Variants in PLEKHG5 observed in about 807,000 individuals in gnomAD.
PLEKHG5 encodes the protein pleckstrin homology domain-containing family G member 5.
Under a neutral mutation model 103.8 loss-of-function variants are expected in PLEKHG5, and 52 were observed. The ratio of observed to expected loss-of-function variants is 0.50; its 90% CI spans 0.40 to 0.63. The LOEUF is 0.63. PLEKHG5 is among the 30% of genes least tolerant of loss of function. The pLI, the probability that PLEKHG5 is intolerant of heterozygous loss-of-function variation, is 0.00. For synonymous variants in PLEKHG5, 592 were observed against 575.5 expected, an observed-to-expected ratio of 1.03 and a Z score of -0.41; for missense variants, 1,205 against 1,347.6, an observed-to-expected ratio of 0.89 and a Z score of 1.66.
At chr1:6,485,579 G>GC in intron 1 of PLEKHG5, 2 of 848,774 alleles carry the variant, frequency 2.4e-6, no homozygotes. Flanking sequence ...ACAGCCCCCA[G>GC]CCCCCCAGGA....
chr1:6,502,551 G>A (rs373682399), intron 1 of PLEKHG5, among the ~76,000 whole-genome samples: 10 of 152,240 alleles, frequency 6.6e-5, no homozygotes, highest in African/African-American at 2.2e-4. Flanking sequence ...GGGGCCAGCC[G>A]GCCACTTCCT....
chr1:6,516,741 A>G (rs1638624845), intron 1 of PLEKHG5, among the ~76,000 whole-genome samples: 1 of 131,532 alleles, frequency 7.6e-6, no homozygotes, highest in Non-Finnish European at 1.6e-5. Flanking sequence ...GTGTGTATAT[A>G]TATGTGTGTG....
At chr1:6,474,386 G>A in intron 6 of PLEKHG5, 65 bp downstream of exon 6, 10 of 1,587,140 alleles carry the variant, frequency 6.3e-6, no homozygotes, top group Admixed American at 1.7e-5. Flanking sequence ...AGCCTGGGAA[G>A]GGCGCCCATC....
chr1:6,474,486 G>A lies in PLEKHG5; in HGVS notation c.404C>T (p.Ala135Val). The change falls in exon 6 of 21, where the codon GCC (alanine) becomes GTC (valine). Residue 135 changes from alanine to valine, a missense_variant. By Grantham distance (64) the Ala-to-Val change is moderately conservative. Coordinates refer to ENST00000377728, the MANE Select transcript of PLEKHG5 (RefSeq NM_020631.6). ...AAGGTAGTGTCCCCCGAACCTGTAG[G>A]CCTCGAAGGTGAGGGACAGGGGTGT... Reference protein sequence around the residue: ...SNTPLSLTFEAYRFGGHYLRV... With the variant: ...SNTPLSLTFEVYRFGGHYLRV... The A allele has an allele frequency of 6.2e-7, 1 of 1,613,990 alleles. No individual in the cohort carries two copies. The highest frequency in any genetic ancestry group is 1.1e-5 in the South Asian group (1 of 91,080).
At chr1:6,473,622 G>A (rs1026246927) in intron 7 of PLEKHG5, among the ~76,000 whole-genome samples, 168 bp from the exon 8 acceptor site, 2 of 152,158 alleles carry the variant, frequency 1.3e-5, no homozygotes, top group African/African-American at 2.4e-5. Flanking sequence ...GAGACTGGAA[G>A]GTCCAGACAC....
Position 6,486,472 on chromosome 1 carries a change from G to A in PLEKHG5, c.-88+5165C>T, listed in dbSNP as rs1159363572. On this transcript the variant is annotated intron_variant, in intron 1 of 20. Transcript: ENST00000377728. The surrounding 1 kb of genome is among the most constrained non-coding windows in gnomAD (Gnocchi z 5.3). ...TGCCCAGGTACGGCAGAGGCCGAGAGCCAAAGGCCGGTGGCCTCTGGAAAG... is the reference window on the plus strand; with the variant it reads ...TGCCCAGGTACGGCAGAGGCCGAGAACCAAAGGCCGGTGGCCTCTGGAAAG... 1.3e-5 allele frequency among the ~76,000 whole-genome samples: 2 copies of A among 152,268 alleles called. No individual in the cohort carries two copies. The highest frequency in any genetic ancestry group is 4.8e-5 in the African/African-American group (2 of 41,478).
upstream of PLEKHG5, among the ~76,000 whole-genome samples, chr1:6,501,670 T>C (rs2148630994): frequency 6.6e-6 from 1 of 152,232 alleles, no homozygotes; most frequent in South Asian, 2.1e-4. This position sits in a 1 kb window ranked among gnomAD's most constrained non-coding sequence, Gnocchi z 4.3. Flanking sequence ...TTGCCCAAGG[T>C]CACACAAGTA....
intron 1 of PLEKHG5, among the ~76,000 whole-genome samples, chr1:6,483,172 A>G (rs1644943811): frequency 6.6e-6 from 1 of 152,180 alleles, no homozygotes. Flanking sequence ...TCTGACAGGA[A>G]AGGGAACAGG....
chr1:6,491,183 G>C lies in PLEKHG5; in HGVS notation c.-88+454C>G, dbSNP rs1218289598. On this transcript the variant is annotated intron_variant, in intron 1 of 20. Coordinates refer to ENST00000377728, the MANE Select transcript of PLEKHG5 (RefSeq NM_020631.6). The surrounding 1 kb of genome is among the most constrained non-coding windows in gnomAD (Gnocchi z 4.1). Reference sequence around the variant, plus strand: ...CCCAGTTCCCCTCTCCCAGCAGCGGGAGTTTAGAATAACTCTGGGCTCAGG... The same window carrying C: ...CCCAGTTCCCCTCTCCCAGCAGCGGCAGTTTAGAATAACTCTGGGCTCAGG... Among the ~76,000 whole-genome samples, 1 of 152,026 alleles carries C rather than the reference G, an allele frequency of 6.6e-6. No homozygotes were observed. Among genetic ancestry groups the C allele is most frequent in the Non-Finnish European group, 1.5e-5 (1 of 68,010 alleles).
chr1:6,509,302 G>A (rs1275466678), intron 1 of PLEKHG5, among the ~76,000 whole-genome samples: 2 of 152,242 alleles, frequency 1.3e-5, no homozygotes, highest in Non-Finnish European at 2.9e-5. Context: ...CTGGAACCAG[G>A]ACAGGCAGAG....
upstream of PLEKHG5, chr1:6,497,181 G>C (rs2148628087): frequency 2.3e-6 from 2 of 875,078 alleles, no homozygotes; most frequent in East Asian, 5.4e-5. The surrounding 1 kb of genome is among the most constrained non-coding windows in gnomAD (Gnocchi z 6.1). Flanking sequence ...CTTGGGGGCC[G>C]AGTTTGGGTA....
chr1:6,480,528 CAA>C (rs58083180), intron 1 of PLEKHG5, among the ~76,000 whole-genome samples: 14 of 133,242 alleles, frequency 1.1e-4, no homozygotes, highest in Non-Finnish European at 1.2e-4. Flanking sequence ...ACTTTGTCTC[CAA>C]AAAAAAAAAA....
Position 6,505,719 on chromosome 1 carries a change from C to G in PLEKHG5, c.-164-9150G>C, listed in dbSNP as rs568293204. 6.6e-6 allele frequency among the ~76,000 whole-genome samples: 1 copy of G among 152,368 alleles called. No individual in the cohort carries two copies. The highest frequency in any genetic ancestry group is 2.4e-5 in the African/African-American group (1 of 41,588). Reference sequence around the variant, plus strand: ...AAACACCATGGCCTGATCTTGCGGGCGGGGTGAGAGCAGAGGCAGAGGCCA... The same window carrying G: ...AAACACCATGGCCTGATCTTGCGGGGGGGGTGAGAGCAGAGGCAGAGGCCA... On this transcript the variant is annotated intron_variant, in intron 1 of 21. Coordinates refer to the PLEKHG5 transcript ENST00000377740. The surrounding 1 kb of genome is among the most constrained non-coding windows in gnomAD (Gnocchi z 4.2).
chr1:6,488,031 T>C (rs533534430), intron 1 of PLEKHG5, among the ~76,000 whole-genome samples: 1 of 152,272 alleles, frequency 6.6e-6, no homozygotes, highest in East Asian at 1.9e-4. Flanking sequence ...AGACCGAAGG[T>C]CTCTTCCTCC....
At chr1:6,506,828 G>T (rs931297602) in intron 1 of PLEKHG5, among the ~76,000 whole-genome samples, 1 of 152,168 alleles carries the variant, frequency 6.6e-6, no homozygotes, top group African/African-American at 2.4e-5. Context: ...CTGCTCTCTG[G>T]GCTCCCTTTC....
At chr1:6,500,991 A>G (rs917400624), upstream of PLEKHG5, among the ~76,000 whole-genome samples, 10 of 152,344 alleles carry the variant, frequency 6.6e-5, no homozygotes, top group South Asian at 1.7e-3. Context: ...GCCGGCAGAC[A>G]TGTTTTGTTT....
At chr1:6,471,357 ACAAGGGGT>A in intron 12 of PLEKHG5, 123 bp downstream of exon 12, 1 of 1,097,880 alleles carries the variant, frequency 9.1e-7, no homozygotes, top group Non-Finnish European at 1.3e-6. Context: ...ACCCTTGGCC[ACAAGGGGT>A]CAAGTGCGGT....
At chr1:6,467,599 C>T in intron 20 of PLEKHG5, 27 bp from the exon 21 acceptor site, 2 of 1,611,878 alleles carry the variant, frequency 1.2e-6, no homozygotes, top group Non-Finnish European at 1.7e-6. Context: ...GGACAGAGTC[C>T]TTCTTTGGCT....
chr1:6,471,307 G>A, intron 12 of PLEKHG5, 181 bp downstream of exon 12: 1 of 799,676 alleles, frequency 1.3e-6, no homozygotes, highest in Non-Finnish European at 2.0e-6. Context: ...TAGATGGTCA[G>A]GTGGAGGCTC....
Sources: allele counts gnomAD v4.1 joint callset (sites outside exome capture counted in the v4.1 genomes callset), GRCh38; gene constraint gnomAD v4.1.1; non-coding constraint Gnocchi (gnomAD v3.1); transcripts MANE v1.5; gene names NCBI Gene and HGNC (gene_info 2026-07-23, HGNC 2026-07-21).